Variants in ZMYM4 observed in about 807,000 individuals in gnomAD.
The protein encoded by ZMYM4 is zinc finger MYM-type containing 4, also known as zinc finger MYM-type protein 4.
Under a neutral mutation model 183.2 loss-of-function variants are expected in ZMYM4, and 31 were observed. The ratio of observed to expected loss-of-function variants is 0.17; its 90% confidence interval spans 0.13 to 0.23. The LOEUF (loss-of-function observed/expected upper bound fraction) is 0.23. ZMYM4 is among the 10% of genes least tolerant of loss of function. The pLI, the probability that ZMYM4 is intolerant of heterozygous loss-of-function variation, is 1.00. For synonymous variants in ZMYM4, 592 were observed against 631.2 expected, an observed-to-expected ratio of 0.94 and a Z score of 0.93; for missense variants, 1,273 against 1,840.3, an observed-to-expected ratio of 0.69 and a Z score of 5.64.
rs914208378 is a variant in ZMYM4, at chr1:35,419,412, C to G, written c.4440-58C>G. Reference sequence around the variant, plus strand: ...TTTACTTAAGAATAGTACATATTTCCTATACTCTCTGATTTCTAATTTTCT... The same window carrying G: ...TTTACTTAAGAATAGTACATATTTCGTATACTCTCTGATTTCTAATTTTCT... On this transcript the variant is annotated intron_variant, in intron 29 of 29. Transcript: ENST00000314607. 3.2e-6 allele frequency: 5 copies of G among 1,572,380 alleles called. No homozygotes were observed. In the African/African-American group the frequency reaches 6.8e-5, roughly 21 times the overall value.
chr1:35,330,811 C>A (rs1642708374), intron 2 of ZMYM4, among the ~76,000 whole-genome samples: 1 of 152,192 alleles, frequency 6.6e-6, no homozygotes, highest in African/African-American at 2.4e-5. Flanking sequence ...TAAGACCCTC[C>A]TTCCAAATCT....
chr1:35,284,200 TCTC>T (rs1248666089), intron 1 of ZMYM4, among the ~76,000 whole-genome samples: 31 of 152,022 alleles, frequency 2.0e-4, no homozygotes, highest in African/African-American at 7.5e-4. Flanking sequence ...ATGGTCTCGA[TCTC>T]CTGACCTCAT....
At chr1:35,293,993 G>A (rs1180062862) in intron 1 of ZMYM4, among the ~76,000 whole-genome samples, 5 of 151,756 alleles carry the variant, frequency 3.3e-5, no homozygotes, top group Admixed American at 3.3e-4. Flanking sequence ...AAATTAGCTG[G>A]GCGTGGTGGC....
At position 35,387,671 on chromosome 1, in the gene ZMYM4, A is replaced by G. The variant is rs1644606668; in HGVS notation, c.2263+67A>G. 32 of 1,498,804 alleles carry G rather than the reference A, an allele frequency of 2.1e-5. 1 individual carries two copies. The South Asian group carries it at 4.2e-4, about 19-fold the overall frequency. 92.8% of individuals were successfully genotyped at this position (1,498,804 alleles called of 1,614,324 possible). On this transcript the variant is annotated intron_variant, in intron 13 of 29. Coordinates refer to ENST00000314607, the MANE Select transcript of ZMYM4 (RefSeq NM_005095.3). ...GTTTTAAAGCAGTTGATGATGATTT[A>G]AGCTTTCACTGTCTAAGTTAATCTG...
At chr1:35,398,770 A>AT (rs1329433046) in intron 21 of ZMYM4, 94 bp from the exon 22 acceptor site, 1 of 1,305,430 alleles carries the variant, frequency 7.7e-7, no homozygotes, top group Non-Finnish European at 1.1e-6. Flanking sequence ...ACCGTATCTC[A>AT]TTTTTTGGTA....
intron 1 of ZMYM4, among the ~76,000 whole-genome samples, chr1:35,286,915 C>T (rs998077124): frequency 1.3e-5 from 2 of 149,350 alleles, no homozygotes; most frequent in African/African-American, 4.9e-5. Flanking sequence ...AACCACCCTG[C>T]CTGGCCCTAG....
In ZMYM4 at chr1:35,405,175, G is replaced by C. The variant is rs1644979556; in HGVS notation, c.3681G>C (p.Gln1227His). Residue 1227 changes from glutamine (Q) to histidine (H), a missense_variant, in exon 24 of 30, where the codon CAG (glutamine) becomes CAC (histidine). Physicochemically the swap from Gln to His is conservative, Grantham distance 24 (BLOSUM62 0). Coordinates refer to ENST00000314607, the MANE Select transcript of ZMYM4 (RefSeq NM_005095.3). ...AGTGGAAAAATGCCAAGGAAGAGCAGGGGGATCTAAAATGTGGAGGTAAGT... is the reference window on the plus strand; with the variant it reads ...AGTGGAAAAATGCCAAGGAAGAGCACGGGGATCTAAAATGTGGAGGTAAGT... ...WVQWKNAKEE[Q>H]GDLKCGGVEQ... 6.2e-7 allele frequency: 1 copy of C among 1,613,868 alleles called. No individual in the cohort carries two copies. The highest frequency in any genetic ancestry group is 1.3e-5 in the African/African-American group (1 of 74,888).
intron 1 of ZMYM4, chr1:35,310,350 G>A (rs537959468): frequency 3.3e-4 from 87 of 265,418 alleles, no homozygotes; most frequent in South Asian, 3.1e-3. Flanking sequence ...TGCTACATGA[G>A]GGGCAAGTTT....
chr1:35,305,726 G>A (rs1641506552), intron 1 of ZMYM4, among the ~76,000 whole-genome samples: 1 of 151,498 alleles, frequency 6.6e-6, no homozygotes, highest in Non-Finnish European at 1.5e-5. Context: ...CTTATTTTTT[G>A]TGGAGATGGG....
rs571849767 is a variant in ZMYM4, at chr1:35,389,217, T to C, written c.2436+135T>C. 2.4e-6 allele frequency: 2 copies of C among 849,778 alleles called. No individual in the cohort carries two copies. The highest frequency in any genetic ancestry group is 5.8e-5 in the East Asian group (2 of 34,568). The allele number at this position is 849,778 out of a possible 1,614,324, so 52.6% of individuals were successfully genotyped here. ...TAAATGTTTTATGCCTTCTAGCAATTAATATAAGATTTAGAAAGACTTTAA... is the reference window on the plus strand; with the variant it reads ...TAAATGTTTTATGCCTTCTAGCAATCAATATAAGATTTAGAAAGACTTTAA... On this transcript the variant is annotated intron_variant, in intron 14 of 29. Coordinates refer to ENST00000314607, the MANE Select transcript of ZMYM4 (RefSeq NM_005095.3). This position sits in a 1 kb window ranked among gnomAD's most constrained non-coding sequence, Gnocchi z 4.0.
intron 26 of ZMYM4, among the ~76,000 whole-genome samples, chr1:35,409,515 A>G (rs1639782168): frequency 6.6e-6 from 1 of 151,036 alleles, no homozygotes; most frequent in Non-Finnish European, 1.5e-5. Flanking sequence ...TTTAATTTGC[A>G]TTTTCCTAAT....
intron 25 of ZMYM4, among the ~76,000 whole-genome samples, chr1:35,405,944 T>G (rs1327898929): frequency 1.3e-5 from 2 of 152,224 alleles, no homozygotes; most frequent in Admixed American, 6.5e-5. Flanking sequence ...AAGGCCCACA[T>G]TAGTTTTCAT....
In ZMYM4 at chr1:35,330,552, C is replaced by G. The variant is rs1051386815; in HGVS notation, c.85+5147C>G. On this transcript the variant is annotated intron_variant, in intron 2 of 29. Transcript: ENST00000314607. The stretch of plus-strand genomic sequence containing the variant: ...TTAGGTTTATATCTCATTGGCCATC[C>G]TACCTTCAAAGAAAGCTGGGAATAG... Among the ~76,000 whole-genome samples, 49 of 152,142 alleles carry G rather than the reference C, an allele frequency of 3.2e-4. 1 individual carries two copies. The highest frequency in any genetic ancestry group is 1.1e-3 in the African/African-American group (46 of 41,444).
At chr1:35,379,983 C>T (rs1055662368) in intron 7 of ZMYM4, among the ~76,000 whole-genome samples, 2 of 152,168 alleles carry the variant, frequency 1.3e-5, no homozygotes, top group African/African-American at 4.8e-5. Context: ...GTAGCAAAAA[C>T]GTTTGAAATA....
chr1:35,389,768 A>T lies in ZMYM4; in HGVS notation c.2437-180A>T, dbSNP rs5018502. Among the ~76,000 whole-genome samples, 25,203 of 138,378 alleles carry T rather than the reference A, an allele frequency of 0.18. 3,550 individuals carry two copies. Among genetic ancestry groups the T allele is most frequent in the East Asian group, 0.72 (3,405 of 4,742 alleles). 90.8% of individuals were successfully genotyped at this position (138,378 alleles called of 152,430 possible). ...AGGCTCTGTCTCAAAAAAAAAAAAA[A>T]ATATATATATATATGTGTGTGTGTG... On this transcript the variant is annotated intron_variant, in intron 14 of 29. Transcript: ENST00000314607. The surrounding 1 kb of genome is among the most constrained non-coding windows in gnomAD (Gnocchi z 4.0).
intron 1 of ZMYM4, among the ~76,000 whole-genome samples, chr1:35,315,345 A>G (rs1358870525): frequency 1.3e-5 from 2 of 152,176 alleles, no homozygotes; most frequent in South Asian, 4.1e-4. Flanking sequence ...GTAAAATGCA[A>G]CTTAACTCCA....
chr1:35,280,840 C>T (rs1176341192), intron 1 of ZMYM4, among the ~76,000 whole-genome samples: 1 of 152,152 alleles, frequency 6.6e-6, no homozygotes, highest in Non-Finnish European at 1.5e-5. Context: ...AAGACCCTTA[C>T]ATTAACTACA....
At chr1:35,288,620 T>C (rs1242008735) in intron 1 of ZMYM4, among the ~76,000 whole-genome samples, 3 of 152,176 alleles carry the variant, frequency 2.0e-5, no homozygotes. Context: ...AAAAACTTAG[T>C]ATAATAGGGA....
chr1:35,295,898 A>G (rs1359778904), intron 1 of ZMYM4: 1 of 152,154 alleles, frequency 6.6e-6, no homozygotes, highest in Non-Finnish European at 1.5e-5. Context: ...TGTTATATAG[A>G]TTAAACTGCC....
Sources: allele counts gnomAD v4.1 joint callset (sites outside exome capture counted in the v4.1 genomes callset), GRCh38; gene constraint gnomAD v4.1.1; non-coding constraint Gnocchi (gnomAD v3.1); transcripts MANE v1.5; gene names NCBI Gene and HGNC (gene_info 2026-07-23, HGNC 2026-07-21).